Variants in BNC2 observed in about 807,000 individuals in gnomAD.
BNC2 encodes zinc finger protein basonuclin-2.
A neutral mutation model predicts 76.3 loss-of-function variants in BNC2; 20 were observed. That is an observed-to-expected ratio of 0.26 (90% CI 0.18 to 0.38). The LOEUF is 0.38. Ranked by LOEUF, BNC2 falls within the 10% of genes least tolerant of loss-of-function variation. BNC2 has a pLI of 1.00. For missense variants in BNC2, 1,382 were observed against 1,399.8 expected (o/e 0.99, Z 0.20); for synonymous variants, 582 against 514.8 (o/e 1.13, Z -1.77).
At chr9:16,814,443 T>G (rs750172030) in intron 1 of BNC2, among the ~76,000 whole-genome samples, 1 of 152,224 alleles carries the variant, frequency 6.6e-6, no homozygotes, top group South Asian at 2.1e-4. Flanking sequence ...TAGAGAAGCC[T>G]TACTATTTAA....
intron 5 of BNC2, among the ~76,000 whole-genome samples, chr9:16,546,999 G>A (rs1021654043): frequency 6.6e-6 from 1 of 152,204 alleles, no homozygotes; most frequent in Non-Finnish European, 1.5e-5. Flanking sequence ...TAAGAGACAT[G>A]TGTTATCTTC....
intron 3 of BNC2, among the ~76,000 whole-genome samples, chr9:16,675,809 G>T (rs529246624): frequency 5.9e-5 from 9 of 152,196 alleles, no homozygotes; most frequent in Non-Finnish European, 1.3e-4. Flanking sequence ...GCTCACAAGG[G>T]AAGCCGAGGC....
At chr9:16,692,959 G>A (rs145970494) in intron 3 of BNC2, among the ~76,000 whole-genome samples, 65 of 151,798 alleles carry the variant, frequency 4.3e-4, no homozygotes, top group African/African-American at 1.2e-3. Context: ...GAGAAACTCC[G>A]TCTCTACTAA....
chr9:16,465,208 G>A (rs1821678203), intron 5 of BNC2, among the ~76,000 whole-genome samples: 1 of 152,196 alleles, frequency 6.6e-6, no homozygotes, highest in East Asian at 1.9e-4. Flanking sequence ...GGCTAAGGCA[G>A]GTGGATGATC....
rs190345260 is a variant in BNC2, at chr9:16,626,522, G to A, written c.331-43437C>T. On this transcript the variant is annotated intron_variant, in intron 3 of 6. Transcript: ENST00000380672. The stretch of plus-strand genomic sequence containing the variant: ...ACAAATCAAGTAGCAGTCATGAGGA[G>A]GGTGAGACAGAAAGGCAGAGAAAAT... 3.1e-4 allele frequency: 47 copies of A among 152,240 alleles called. 1 individual carries two copies. Among genetic ancestry groups the A allele is most frequent in the Admixed American group, 2.7e-3 (42 of 15,298 alleles). 9.4% of individuals were successfully genotyped at this position (152,240 alleles called of 1,614,324 possible).
At chr9:16,465,562 C>T (rs1273681936) in intron 5 of BNC2, among the ~76,000 whole-genome samples, 1 of 151,792 alleles carries the variant, frequency 6.6e-6, no homozygotes, top group African/African-American at 2.4e-5. Flanking sequence ...ATTATTGGGT[C>T]ACAATTGTAT....
chr9:16,725,469 A>G (rs1824286064), intron 3 of BNC2, among the ~76,000 whole-genome samples: 1 of 152,158 alleles, frequency 6.6e-6, no homozygotes, highest in Non-Finnish European at 1.5e-5. Flanking sequence ...ACCATGACAG[A>G]AAAAGGTGGG....
At chr9:16,583,349 C>CAA (rs1490450852) in intron 3 of BNC2, among the ~76,000 whole-genome samples, 7 of 152,080 alleles carry the variant, frequency 4.6e-5, no homozygotes, top group African/African-American at 1.7e-4. Context: ...TAAAGGATTA[C>CAA]ATATTCGATA....
chr9:16,636,902 T>C (rs1821345066), intron 3 of BNC2, among the ~76,000 whole-genome samples: 1 of 152,006 alleles, frequency 6.6e-6, no homozygotes, highest in South Asian at 2.1e-4. Flanking sequence ...TTAAATCATT[T>C]GTCCTATATT....
intron 5 of BNC2, among the ~76,000 whole-genome samples, chr9:16,476,751 T>A (rs937285153): frequency 5.3e-5 from 8 of 152,198 alleles, no homozygotes; most frequent in Non-Finnish European, 7.3e-5. Context: ...GTTAATCTAC[T>A]GTGATCCAAT....
At chr9:16,548,589 G>C (rs575170471) in intron 5 of BNC2, among the ~76,000 whole-genome samples, 1 of 152,192 alleles carries the variant, frequency 6.6e-6, no homozygotes, top group South Asian at 2.1e-4. Context: ...TATTTTAGTA[G>C]AGACAGGGTT....
At chr9:16,623,556 C>G (rs936529005) in intron 3 of BNC2, among the ~76,000 whole-genome samples, 1 of 152,074 alleles carries the variant, frequency 6.6e-6, no homozygotes, top group Non-Finnish European at 1.5e-5. Context: ...GCAATTCAGT[C>G]GACTATTTAA....
At chr9:16,523,490 AAAC>A (rs146188933) in intron 5 of BNC2, among the ~76,000 whole-genome samples, 12,744 of 146,430 alleles carry the variant, frequency 0.087, 1,824 homozygotes, top group African/African-American at 0.31. Flanking sequence ...AAAAAAAACA[AAAC>A]AAAAAAAAAC....
At position 16,409,525 on chromosome 9, in the gene BNC2, T is replaced by C. The variant is rs1820417059; in HGVS notation, c.*9464A>G. 1 of 152,616 alleles carries C rather than the reference T, an allele frequency of 6.6e-6. No homozygotes were observed. Among genetic ancestry groups the C allele is most frequent in the Admixed American group, 6.5e-5 (1 of 15,272 alleles). 9.5% of individuals were successfully genotyped at this position (152,616 alleles called of 1,614,324 possible). A position where few individuals can be genotyped will look rare whatever the true frequency, so the allele number is the denominator to read the frequency against. On this transcript the variant is annotated 3_prime_UTR_variant, in exon 7 of 7. Transcript: ENST00000380672. ...AGATCAGTGACTGATAAATCTTTAA[T>C]ATAAAAATTGTACAAGAATTTTGAT... is the stretch of plus-strand genomic sequence containing the variant.
chr9:16,592,099 G>A (rs1819946143), intron 3 of BNC2, among the ~76,000 whole-genome samples: 2 of 151,512 alleles, frequency 1.3e-5, no homozygotes, highest in African/African-American at 4.9e-5. Context: ...ATTTAAAGAT[G>A]GTTAACCACC....
Position 16,621,738 on chromosome 9 carries a change from A to G in BNC2, c.331-38653T>C, listed in dbSNP as rs139756336. 1.2e-4 allele frequency among the ~76,000 whole-genome samples: 18 copies of G among 152,298 alleles called. No individual in the cohort carries two copies. In the East Asian group the frequency reaches 3.5e-3, roughly 29 times the overall value. ...CACATGTGGGTATTGACCACGTGAA[A>G]TGTGGCTAGTCCAAGTTGAGATGTG... is the stretch of plus-strand genomic sequence containing the variant. On this transcript the variant is annotated intron_variant, in intron 3 of 6. Coordinates refer to ENST00000380672, the MANE Select transcript of BNC2 (RefSeq NM_017637.6).
chr9:16,671,987 T>A (rs1028375546), intron 3 of BNC2, among the ~76,000 whole-genome samples: 2 of 152,234 alleles, frequency 1.3e-5, no homozygotes, highest in Non-Finnish European at 2.9e-5. Context: ...AAGCAAACTC[T>A]GAACAAATCA....
chr9:16,809,321 A>G (rs941781635), intron 1 of BNC2, among the ~76,000 whole-genome samples: 1 of 152,124 alleles, frequency 6.6e-6, no homozygotes, highest in Non-Finnish European at 1.5e-5. Flanking sequence ...CATTAGGGCT[A>G]GGAGAGATTT....
chr9:16,535,247 C>CTGAT lies in BNC2; in HGVS notation c.669+17279_669+17282dup, dbSNP rs976143722. Among the ~76,000 whole-genome samples the CTGAT allele has an allele frequency of 1.3e-3, 200 of 152,270 alleles. 1 individual carries two copies. Among genetic ancestry groups the CTGAT allele is most frequent in the African/African-American group, 4.5e-3 (186 of 41,566 alleles). Reference sequence around the variant, plus strand: ...GTGTCATTTACACATCTTTGCAAGGCTGATGGTAAAGAAAGCACTGGCGTA... The same window carrying CTGAT: ...GTGTCATTTACACATCTTTGCAAGGCTGATTGATGGTAAAGAAAGCACTGGCGTA... On this transcript the variant is annotated intron_variant, in intron 5 of 6. Transcript: ENST00000380672.
Sources: allele counts gnomAD v4.1 joint callset (sites outside exome capture counted in the v4.1 genomes callset), GRCh38; gene constraint gnomAD v4.1.1; transcripts MANE v1.5; gene names NCBI Gene and HGNC (gene_info 2026-07-23, HGNC 2026-07-21).